The following PDE4D variants were observed in gnomAD, a reference collection of about 807,000 sequenced individuals.
The protein encoded by PDE4D is phosphodiesterase 4D, also known as 3',5'-cyclic-AMP phosphodiesterase 4D.
A neutral mutation model predicts 87.4 loss-of-function variants in PDE4D; 24 were observed. The observed-to-expected ratio is 0.27, with a 90% CI of 0.20 to 0.39. The LOEUF is 0.39. Among genes scored for constraint, PDE4D ranks in the 10% least tolerant of loss-of-function variants. The pLI is 1.00. For missense variants in PDE4D, 714 were observed against 1,041.0 expected, an observed-to-expected ratio of 0.69 and a Z score of 4.32; for synonymous variants, 384 against 383.2, an observed-to-expected ratio of 1.00 and a Z score of -0.02.
intron 1 of PDE4D, among the ~76,000 whole-genome samples, chr5:59,508,112 GTTTT>G (rs1243915336): frequency 6.6e-6 from 1 of 151,998 alleles, no homozygotes; most frequent in Non-Finnish European, 1.5e-5. Context: ...TGCTTTGTTT[GTTTT>G]TTTGTTTTTT....
At chr5:59,876,188 A>T (rs1748581443) in intron 1 of PDE4D, among the ~76,000 whole-genome samples, 1 of 152,172 alleles carries the variant, frequency 6.6e-6, no homozygotes, top group Admixed American at 6.5e-5. Flanking sequence ...TCTAGAGAAA[A>T]GGGTATATTT....
chr5:59,005,952 G>C (rs937113417), intron 6 of PDE4D, among the ~76,000 whole-genome samples: 20 of 152,258 alleles, frequency 1.3e-4, no homozygotes, highest in African/African-American at 4.6e-4. Flanking sequence ...TTGAATTAAA[G>C]AATCATGGTT....
intron 1 of PDE4D, among the ~76,000 whole-genome samples, chr5:60,290,876 TA>T (rs1752832905): frequency 6.6e-6 from 1 of 152,110 alleles, no homozygotes; most frequent in African/African-American, 2.4e-5. Flanking sequence ...TAATGATTTT[TA>T]AAAATACTCT....
At chr5:59,995,611 A>C (rs1357307736) in intron 2 of PDE4D, among the ~76,000 whole-genome samples, 1 of 151,738 alleles carries the variant, frequency 6.6e-6, no homozygotes, top group Non-Finnish European at 1.5e-5. Flanking sequence ...GAGCCACTGC[A>C]CCCGGCCGCA....
intron 2 of PDE4D, among the ~76,000 whole-genome samples, chr5:60,145,539 C>G (rs1780914285): frequency 6.6e-6 from 1 of 152,164 alleles, no homozygotes; most frequent in Admixed American, 6.5e-5. Flanking sequence ...TTGTTTGACC[C>G]AAATCAACCT....
At chr5:59,293,019 C>T (rs1581800012) in intron 1 of PDE4D, among the ~76,000 whole-genome samples, 1 of 152,084 alleles carries the variant, frequency 6.6e-6, no homozygotes, top group East Asian at 1.9e-4. Context: ...ATTCATGATC[C>T]AGCTCATACT....
intron 2 of PDE4D, among the ~76,000 whole-genome samples, chr5:60,138,811 A>G (rs555384967): frequency 6.6e-6 from 1 of 152,132 alleles, no homozygotes; most frequent in Non-Finnish European, 1.5e-5. Context: ...TATAACTACT[A>G]TAAATAATTG....
At chr5:59,729,607 T>C (rs536461774) in intron 1 of PDE4D, among the ~76,000 whole-genome samples, 1 of 151,610 alleles carries the variant, frequency 6.6e-6, no homozygotes, top group African/African-American at 2.4e-5. Flanking sequence ...GTGGAACCAC[T>C]AATACAGTGA....
intron 1 of PDE4D, among the ~76,000 whole-genome samples, chr5:59,752,097 TGAGTA>T (rs1330282118): frequency 6.6e-6 from 1 of 152,164 alleles, no homozygotes; most frequent in Non-Finnish European, 1.5e-5. Flanking sequence ...GTTTTATGGT[TGAGTA>T]ATCATATTCT....
intron 1 of PDE4D, chr5:59,529,273 T>A: frequency 2.5e-6 from 1 of 403,692 alleles, no homozygotes; most frequent in South Asian, 2.3e-5. Flanking sequence ...ATGATGACTA[T>A]AAGGATCTTG....
At chr5:59,272,235 CTTTATA>C (rs750692527) in intron 1 of PDE4D, among the ~76,000 whole-genome samples, 9 of 151,960 alleles carry the variant, frequency 5.9e-5, no homozygotes, top group Non-Finnish European at 1.3e-4. Flanking sequence ...CTAAACTTCT[CTTTATA>C]TTTATATTTG....
At chr5:59,416,589 C>T (rs1032704490) in intron 1 of PDE4D, among the ~76,000 whole-genome samples, 6 of 152,228 alleles carry the variant, frequency 3.9e-5, no homozygotes, top group South Asian at 2.1e-4. Flanking sequence ...TGCAGGAATT[C>T]GGGTAGTATC....
At chr5:59,295,853 A>C (rs940263489) in intron 1 of PDE4D, among the ~76,000 whole-genome samples, 2 of 151,976 alleles carry the variant, frequency 1.3e-5, no homozygotes, top group Admixed American at 6.6e-5. Context: ...AAAAAACAAA[A>C]AAAAAAACAG....
chr5:60,142,557 A>G lies in PDE4D; in HGVS notation c.42+43000T>C, dbSNP rs568516053. Among the ~76,000 whole-genome samples, 201 of 152,328 alleles carry G rather than the reference A, an allele frequency of 1.3e-3. 2 individuals are homozygous for G. Among genetic ancestry groups the G allele is most frequent in the Admixed American group, 4.6e-3 (71 of 15,302 alleles). ...CCTCTATACTGGGTGGGATTTAGGCATTGGCAGAAACACCAGCATGAGCCA... is the reference window on the plus strand; with the variant it reads ...CCTCTATACTGGGTGGGATTTAGGCGTTGGCAGAAACACCAGCATGAGCCA... On this transcript the variant is annotated intron_variant, in intron 2 of 16. Coordinates refer to the PDE4D transcript ENST00000502484.
chr5:60,069,200 T>A (rs914723705), intron 2 of PDE4D, among the ~76,000 whole-genome samples: 5 of 152,188 alleles, frequency 3.3e-5, no homozygotes, highest in Non-Finnish European at 5.9e-5. Context: ...ATATGTTGAA[T>A]CTTTGTCTCC....
chr5:59,743,229 A>G (rs1171301306), intron 1 of PDE4D, among the ~76,000 whole-genome samples: 1 of 152,206 alleles, frequency 6.6e-6, no homozygotes, highest in East Asian at 1.9e-4. Flanking sequence ...AAAAAATGGT[A>G]AAGTAAAAAA....
intron 1 of PDE4D, among the ~76,000 whole-genome samples, chr5:59,721,113 T>C (rs1004535615): frequency 1.3e-5 from 2 of 152,172 alleles, no homozygotes; most frequent in Non-Finnish European, 2.9e-5. Context: ...AACTAATATT[T>C]ATAAGTCTTG....
intron 6 of PDE4D, among the ~76,000 whole-genome samples, chr5:59,008,858 T>C (rs1033013359): frequency 8.5e-5 from 13 of 152,192 alleles, no homozygotes; most frequent in Admixed American, 3.3e-4. Flanking sequence ...AATTATTTTT[T>C]AAAAAATCTT....
chr5:59,768,742 A>T (rs778787415), intron 1 of PDE4D: 1 of 997,638 alleles, frequency 1.0e-6, no homozygotes. Context: ...GCCAAAGATC[A>T]CTGACAAGCT....
Sources: gnomAD v4.1 joint callset for allele counts (sites outside exome capture counted in the v4.1 genomes callset) on GRCh38, gnomAD v4.1.1 for gene constraint, MANE v1.5 for transcripts, NCBI Gene and HGNC (gene_info 2026-07-23, HGNC 2026-07-21) for gene names.